The following TENM1 variants were observed in gnomAD, a reference collection of about 807,000 sequenced individuals.
TENM1 encodes the protein teneurin transmembrane protein 1.
A neutral mutation model predicts 174.8 loss-of-function variants in TENM1; 35 were observed. The ratio of observed to expected loss-of-function variants is 0.20; its 90% CI spans 0.15 to 0.27. The LOEUF (loss-of-function observed/expected upper bound fraction) is 0.27. TENM1 is among the 10% of genes least tolerant of loss of function. The pLI is 1.00. For synonymous variants in TENM1, 781 were observed against 798.7 expected, an observed-to-expected ratio of 0.98 and a Z score of 0.37; for missense variants, 1,633 against 2,130.1, an observed-to-expected ratio of 0.77 and a Z score of 4.59.
the TENM1 span, among the ~76,000 whole-genome samples, chrX:125,021,218 ATTT>A: frequency 2.1e-5 from 2 of 96,333 alleles, no homozygotes; most frequent in Non-Finnish European, 2.1e-5. Flanking sequence ...ATTAAAGACA[ATTT>A]TTTTTTTTTT....
chrX:125,167,911 T>G, the TENM1 span, among the ~76,000 whole-genome samples: 1 of 111,636 alleles, frequency 9.0e-6, no homozygotes, highest in Non-Finnish European at 1.9e-5. Flanking sequence ...ACAAAGTAAG[T>G]AAAGAGGCCA....
At chrX:124,650,972 A>G (rs2051291286) in intron 8 of TENM1, among the ~76,000 whole-genome samples, 1 of 112,056 alleles carries the variant, frequency 8.9e-6, no homozygotes, top group African/African-American at 3.2e-5. Context: ...TAAAAATAGA[A>G]CATAATTGTT....
chrX:125,063,493 G>A, the TENM1 span, among the ~76,000 whole-genome samples: 6 of 111,668 alleles, frequency 5.4e-5, no homozygotes, highest in Non-Finnish European at 1.1e-4. Context: ...ATCAACAAGT[G>A]GGCGAAGCAT....
chrX:124,513,523 G>C (rs1458553148), intron 18 of TENM1, among the ~76,000 whole-genome samples: 1 of 111,729 alleles, frequency 9.0e-6, no homozygotes, highest in African/African-American at 3.3e-5. Flanking sequence ...ACATCTTTGT[G>C]GGGGTGGCTA....
the TENM1 span, among the ~76,000 whole-genome samples, chrX:125,147,150 TCA>T: frequency 0.015 from 1,501 of 99,765 alleles, 35 homozygotes; most frequent in African/African-American, 0.048. Context: ...TGTATATATA[TCA>T]CATATATGTG....
the TENM1 span, among the ~76,000 whole-genome samples, chrX:125,155,654 G>C: frequency 2.3e-5 from 2 of 85,586 alleles, no homozygotes; most frequent in Non-Finnish European, 4.6e-5. Context: ...GCGAGAAATC[G>C]AGCGCAGCAC....
chrX:124,392,299 G>A, exon 28 of TENM1: 1 of 1,209,597 alleles, frequency 8.3e-7, no homozygotes, highest in Non-Finnish European at 1.1e-6. Flanking sequence ...GATCTTTCCT[G>A]TGCGGGTTAT....
chrX:125,182,657 G>A, the TENM1 span, among the ~76,000 whole-genome samples: 1 of 111,344 alleles, frequency 9.0e-6, no homozygotes, highest in Non-Finnish European at 1.9e-5. Flanking sequence ...TCTGTGTATA[G>A]CACAGTCCCC....
At chrX:124,586,862 A>C (rs1425330461) in intron 11 of TENM1, among the ~76,000 whole-genome samples, 21 of 108,562 alleles carry the variant, frequency 1.9e-4, no homozygotes, top group African/African-American at 6.8e-4. Context: ...AAATCCATGT[A>C]CAAAAATCAC....
intron 11 of TENM1, among the ~76,000 whole-genome samples, chrX:124,632,448 A>T (rs776594022): frequency 9.0e-6 from 1 of 111,619 alleles, no homozygotes; most frequent in East Asian, 2.8e-4. Context: ...AGTTCTTTAT[A>T]GCAGACTCAA....
chrX:125,204,052 C>T, the TENM1 span: 1 of 113,838 alleles, frequency 8.8e-6, no homozygotes, highest in Non-Finnish European at 1.9e-5. Flanking sequence ...AACCTAGCTA[C>T]TATTGCACCA....
chrX:124,991,736 C>T, the TENM1 span, among the ~76,000 whole-genome samples: 1 of 110,298 alleles, frequency 9.1e-6, no homozygotes, highest in Non-Finnish European at 1.9e-5. Context: ...ATCTTCAATG[C>T]TCCCACCCCC....
intron 3 of TENM1, among the ~76,000 whole-genome samples, chrX:124,858,277 C>T (rs1336115716): frequency 8.9e-6 from 1 of 111,824 alleles, no homozygotes; most frequent in African/African-American, 3.2e-5. Context: ...TCTTCCAGAC[C>T]CTTCAAATGA....
At chrX:124,595,729 C>A (rs1172860076) in intron 11 of TENM1, among the ~76,000 whole-genome samples, 1 of 103,090 alleles carries the variant, frequency 9.7e-6, no homozygotes, top group Non-Finnish European at 2.0e-5. Context: ...ATTAAAACAG[C>A]TTTTAAAGAT....
the TENM1 span, among the ~76,000 whole-genome samples, chrX:124,977,959 TGTGTGTGTGAGAGAGAGA>T: frequency 1.8e-4 from 10 of 55,793 alleles, no homozygotes; most frequent in African/African-American, 7.1e-4. Flanking sequence ...TGTGTGTGTG[TGTGTGTGTGAGAGAGAGA>T]GAGAGAGAGA....
chrX:124,525,063 G>A lies in TENM1; in HGVS notation c.2772-1438C>T, dbSNP rs181839703. Among the ~76,000 whole-genome samples, 325 of 111,486 alleles carry A rather than the reference G, an allele frequency of 2.9e-3. 1 individual carries two copies. Among genetic ancestry groups the A allele is most frequent in the Middle Eastern group, 0.014 (3 of 218 alleles). ...TGATAGGGAATCAGACTTAATTATGGACATCTCATCACTCTCTTCCTATGA... is the reference window on the plus strand; with the variant it reads ...TGATAGGGAATCAGACTTAATTATGAACATCTCATCACTCTCTTCCTATGA... On this transcript the variant is annotated intron_variant, in intron 16 of 31. Coordinates refer to ENST00000422452, the Ensembl canonical transcript of TENM1.
At chrX:124,408,251 C>T (rs765384692) in intron 25 of TENM1, among the ~76,000 whole-genome samples, 2 of 110,847 alleles carry the variant, frequency 1.8e-5, no homozygotes, top group African/African-American at 6.6e-5. Flanking sequence ...AAGCAATTCT[C>T]GTGTCCTAGC....
chrX:125,163,601 T>C, the TENM1 span, among the ~76,000 whole-genome samples: 1 of 111,458 alleles, frequency 9.0e-6, no homozygotes, highest in Non-Finnish European at 1.9e-5. Flanking sequence ...AATATGGTTT[T>C]AACAAACACA....
chrX:124,626,096 T>A (rs1349507930), intron 11 of TENM1, among the ~76,000 whole-genome samples: 2 of 111,115 alleles, frequency 1.8e-5, no homozygotes, highest in African/African-American at 3.3e-5. Flanking sequence ...AGAAAAGGCA[T>A]GTCTAATACA....
Sources: allele counts gnomAD v4.1 joint callset (sites outside exome capture counted in the v4.1 genomes callset), GRCh38; gene constraint gnomAD v4.1.1; transcripts MANE v1.5; gene names NCBI Gene and HGNC (gene_info 2026-07-23, HGNC 2026-07-21).